TUT4: variants seen among roughly 807,000 people sequenced by gnomAD.
TUT4 encodes the protein terminal uridylyl transferase 4.
In TUT4, 36 loss-of-function variants were observed where a neutral mutation model predicts 192.2. The ratio of observed to expected loss-of-function variants is 0.19; its 90% CI spans 0.14 to 0.25. The LOEUF is 0.25. TUT4 is among the 10% of genes least tolerant of loss of function. TUT4 has a pLI of 1.00. For missense variants in TUT4, 1,493 were observed against 1,957.2 expected, an observed-to-expected ratio of 0.76 and a Z score of 4.47; for synonymous variants, 618 against 666.0, an observed-to-expected ratio of 0.93 and a Z score of 1.11.
In TUT4 at chr1:52,481,465, T is replaced by C; in HGVS notation, c.1806A>G (p.Glu602=). 6.2e-7 allele frequency: 1 copy of C among 1,614,006 alleles called. No homozygotes were observed. The change falls in exon 11 of 30, where the codon GAA becomes GAG. Residue 602 remains glutamate, a synonymous_variant. Coordinates refer to ENST00000257177, the MANE Select transcript of TUT4 (RefSeq NM_001009881.3). The stretch of plus-strand genomic sequence containing the variant: ...TCATGGCATTACTTTGGTTGTCTGT[T>C]TCTGTCTTCTTGGTATCATCTTTTG... The part of the protein sequence containing the change: ...DQPKDDTKKT[E]TDNQSNAMKE...
chr1:52,470,457 G>A (rs1229442593), intron 14 of TUT4, among the ~76,000 whole-genome samples: 1 of 152,038 alleles, frequency 6.6e-6, no homozygotes, highest in African/African-American at 2.4e-5. Flanking sequence ...AAAAGCATAT[G>A]TCCATACCCA....
At chr1:52,439,374 AC>A (rs1462109456) in intron 24 of TUT4, among the ~76,000 whole-genome samples, 4 of 152,242 alleles carry the variant, frequency 2.6e-5, no homozygotes, top group Non-Finnish European at 5.9e-5. Context: ...AAGGTAGGGA[AC>A]TAAAAAGAAG....
intron 4 of TUT4, among the ~76,000 whole-genome samples, chr1:52,501,976 G>A (rs1201042274): frequency 6.6e-6 from 1 of 152,090 alleles, no homozygotes; most frequent in Non-Finnish European, 1.5e-5. Context: ...ATTGCTTAAT[G>A]GATACAGAGT....
chr1:52,425,650 T>A, intron 28 of TUT4, 143 bp from the exon 29 acceptor site: 5 of 974,104 alleles, frequency 5.1e-6, no homozygotes, highest in Non-Finnish European at 7.3e-6. Flanking sequence ...CAAACTTTTT[T>A]AAAGAATAAA....
At chr1:52,450,404 A>G (rs990218878) in intron 20 of TUT4, among the ~76,000 whole-genome samples, 4 of 152,236 alleles carry the variant, frequency 2.6e-5, no homozygotes, top group African/African-American at 9.6e-5. Context: ...TTATGATAGG[A>G]AACATTCCAT....
At chr1:52,543,791 T>C (rs1687356890) in intron 1 of TUT4, among the ~76,000 whole-genome samples, 1 of 151,938 alleles carries the variant, frequency 6.6e-6, no homozygotes, top group Non-Finnish European at 1.5e-5. Flanking sequence ...GCCTTACTGT[T>C]GTTAAAATGT....
At chr1:52,539,736 G>C (rs368473082) in intron 1 of TUT4, among the ~76,000 whole-genome samples, 1 of 151,710 alleles carries the variant, frequency 6.6e-6, no homozygotes, top group Non-Finnish European at 1.5e-5. Context: ...GTGAAACCCT[G>C]TCTCTACCAA....
chr1:52,521,704 G>A (rs1021043113), intron 2 of TUT4, among the ~76,000 whole-genome samples: 1 of 151,696 alleles, frequency 6.6e-6, no homozygotes, highest in African/African-American at 2.4e-5. Context: ...AGTGGCTCAC[G>A]CCTGTAATCC....
At chr1:52,442,532 G>A (rs879918742) in intron 24 of TUT4, among the ~76,000 whole-genome samples, 1 of 152,130 alleles carries the variant, frequency 6.6e-6, no homozygotes, top group Non-Finnish European at 1.5e-5. Context: ...AAGTGTTTTG[G>A]ATTTTGGAAT....
chr1:52,427,804 G>C (rs1016148437), intron 28 of TUT4, among the ~76,000 whole-genome samples: 1 of 152,184 alleles, frequency 6.6e-6, no homozygotes, highest in Non-Finnish European at 1.5e-5. Flanking sequence ...GGTAAAACAG[G>C]CTGATAAAAC....
intron 1 of TUT4, among the ~76,000 whole-genome samples, chr1:52,542,318 T>C (rs1458153769): frequency 2.0e-5 from 3 of 152,148 alleles, no homozygotes; most frequent in African/African-American, 7.2e-5. Context: ...ACTGAATGTA[T>C]GCTTAGCTAC....
intron 24 of TUT4, among the ~76,000 whole-genome samples, chr1:52,439,024 C>A (rs1484778439): frequency 6.8e-6 from 1 of 147,486 alleles, no homozygotes; most frequent in Non-Finnish European, 1.5e-5. Flanking sequence ...AAGCAAAGAT[C>A]GTGCCACTGC....
chr1:52,506,576 C>T (rs1675633564), intron 4 of TUT4, among the ~76,000 whole-genome samples: 1 of 152,132 alleles, frequency 6.6e-6, no homozygotes, highest in South Asian at 2.1e-4. Context: ...TTTTCTTTTG[C>T]AATGTTTGAT....
chr1:52,475,478 T>C lies in TUT4; in HGVS notation c.2081A>G (p.Glu694Gly). ...ARSLNSQLVY[E>G]YVVERFRAAY... ...TGCCCTAAATCTCTCCACAACATAT[T>C]CGTAAACCAGCTGGCTGTTTAAGCT... The change falls in exon 13 of 30, where the codon GAA becomes GGA. Residue 694 changes from glutamate to glycine, a missense_variant. Around this residue, in one of 7 missense-constraint regions of TUT4, gnomAD observed 437 missense variants for 577.6 expected, o/e 0.76. Coordinates refer to ENST00000257177, the MANE Select transcript of TUT4 (RefSeq NM_001009881.3). The C allele has an allele frequency of 6.2e-7, 1 of 1,614,082 alleles. No individual in the cohort carries two copies. The highest frequency in any genetic ancestry group is 8.5e-7 in the Non-Finnish European group (1 of 1,180,026).
intron 4 of TUT4, among the ~76,000 whole-genome samples, chr1:52,505,529 C>T (rs1255694496): frequency 2.7e-5 from 4 of 145,674 alleles, no homozygotes; most frequent in Non-Finnish European, 5.9e-5. Context: ...TCAAGCGATT[C>T]TCCTGCCTCA....
At chr1:52,550,797 C>A (rs949412043) in intron 1 of TUT4, among the ~76,000 whole-genome samples, 3 of 151,914 alleles carry the variant, frequency 2.0e-5, no homozygotes, top group Admixed American at 6.6e-5. Context: ...CCTGGCCAGG[C>A]CCTACAGGTA....
chr1:52,488,973 G>A lies in TUT4; in HGVS notation c.1451C>T (p.Thr484Ile), dbSNP rs754947013. 2 of 1,613,834 alleles carry A rather than the reference G, an allele frequency of 1.2e-6. No individual in the cohort carries two copies. Among genetic ancestry groups the A allele is most frequent in the Admixed American group, 1.7e-5 (1 of 60,002 alleles). Residue 484 changes from threonine (T) to isoleucine (I), a missense_variant, in exon 9 of 30, where the codon ACT (threonine) becomes ATT (isoleucine). Transcript: ENST00000257177. Reference sequence around the variant, plus strand: ...GACAGGTTCTATTTTGCCAAGGGCAGTAAGTAAATCAGTAGTGAGACATGC... The same window carrying A: ...GACAGGTTCTATTTTGCCAAGGGCAATAAGTAAATCAGTAGTGAGACATGC... ...DMACLTTDLLTALGKIEPVFI... is the reference protein window; with the variant it reads ...DMACLTTDLLIALGKIEPVFI...
intron 16 of TUT4, chr1:52,463,676 C>G: frequency 7.7e-7 from 1 of 1,304,224 alleles, no homozygotes; most frequent in Middle Eastern, 2.1e-4. Context: ...AGGATACCCT[C>G]CTTTGCTAGT....
At chr1:52,453,270 T>G (rs1223740788) in intron 20 of TUT4, among the ~76,000 whole-genome samples, 1 of 151,676 alleles carries the variant, frequency 6.6e-6, no homozygotes, top group Non-Finnish European at 1.5e-5. Flanking sequence ...TAATCCCACC[T>G]ACTGGGGAGG....
Sources: gnomAD v4.1 joint callset for allele counts (sites outside exome capture counted in the v4.1 genomes callset) on GRCh38, gnomAD v4.1.1 for gene constraint, gnomAD v4.1.1 regional missense constraint, MANE v1.5 for transcripts, NCBI Gene and HGNC (gene_info 2026-07-23, HGNC 2026-07-21) for gene names.